The following FLRT2 variants were observed in gnomAD, a reference collection of about 807,000 sequenced individuals.
The protein encoded by FLRT2 is fibronectin leucine rich transmembrane protein 2, also known as leucine-rich repeat transmembrane protein FLRT2.
A neutral mutation model predicts 40.0 loss-of-function variants in FLRT2; 15 were observed. The ratio of observed to expected loss-of-function variants is 0.38; its 90% confidence interval spans 0.25 to 0.58. The LOEUF is 0.58. Ranked by LOEUF, FLRT2 falls within the 20% of genes least tolerant of loss-of-function variation. FLRT2 has a pLI of 0.71. For synonymous variants in FLRT2, 380 were observed against 336.8 expected, an observed-to-expected ratio of 1.13 and a Z score of -1.41; for missense variants, 726 against 840.0, an observed-to-expected ratio of 0.86 and a Z score of 1.68.
intron 1 of FLRT2, among the ~76,000 whole-genome samples, chr14:85,555,558 T>G (rs148019951): frequency 0.011 from 1,686 of 149,256 alleles, 22 homozygotes; most frequent in Non-Finnish European, 0.012. Context: ...CACCCCATGA[T>G]TCAATTATCT....
In FLRT2 at chr14:85,643,290, TTTTTCTTTCTTTCTTTCTTTC is replaced by T. The variant is rs1566774363; in HGVS notation, c.*19797_*19817del. On this transcript the variant is annotated 3_prime_UTR_variant, in exon 2 of 2. Coordinates refer to ENST00000330753, the MANE Select transcript of FLRT2 (RefSeq NM_013231.6). ...GAGAGAGTTCAGAGGGTATTTCTTT[TTTTTCTTTCTTTCTTTCTTTC>T]TTTCTTTCTTTCTTTCTTTCTTTCT... The T allele has an allele frequency of 2.2e-5, 3 of 136,100 alleles. No individual in the cohort carries two copies. The highest frequency in any genetic ancestry group is 7.2e-5 in the Admixed American group (1 of 13,958). The allele number at this position is 136,100 out of a possible 1,614,324, so 8.4% of individuals were successfully genotyped here. A position where few individuals can be genotyped will look rare whatever the true frequency, so the allele number is the denominator to read the frequency against.
At chr14:85,533,438 C>A (rs989741870) in intron 1 of FLRT2, among the ~76,000 whole-genome samples, 15 of 151,986 alleles carry the variant, frequency 9.9e-5, no homozygotes, top group Non-Finnish European at 1.6e-4. Flanking sequence ...CAGCGCCGCA[C>A]GCCCGGCTCC....
intron 1 of FLRT2, among the ~76,000 whole-genome samples, chr14:85,572,067 A>G (rs1890915799): frequency 6.6e-6 from 1 of 152,190 alleles, no homozygotes. Flanking sequence ...CTATGGCCTC[A>G]CTGTTGTGTC....
chr14:85,632,438 C>G lies in FLRT2; in HGVS notation c.*8941C>G, dbSNP rs924658005. The G allele has an allele frequency of 1.4e-5, 2 of 145,016 alleles. No individual in the cohort carries two copies. Among genetic ancestry groups the G allele is most frequent in the African/African-American group, 2.6e-5 (1 of 38,514 alleles). 9.0% of individuals were successfully genotyped at this position (145,016 alleles called of 1,614,324 possible). A position where few individuals can be genotyped will look rare whatever the true frequency, so the allele number is the denominator to read the frequency against. ...AGTGAGCCAAGATCATGCCATTGCA[C>G]TCCAGCCTGGTGACAGAGTGAGACT... On this transcript the variant is annotated 3_prime_UTR_variant, in exon 2 of 2. Coordinates refer to ENST00000330753, the MANE Select transcript of FLRT2 (RefSeq NM_013231.6).
intron 1 of FLRT2, among the ~76,000 whole-genome samples, chr14:85,556,983 C>T (rs866113586): frequency 6.6e-5 from 10 of 152,022 alleles, no homozygotes; most frequent in South Asian, 4.2e-4. Context: ...ATGAGGAAGA[C>T]CCAGAAGCAG....
rs1029712590 is a variant in FLRT2, at chr14:85,635,922, T to C, written c.*12425T>C. 1.3e-5 allele frequency: 2 copies of C among 152,138 alleles called. No individual in the cohort carries two copies. The highest frequency in any genetic ancestry group is 2.4e-5 in the African/African-American group (1 of 41,448). The allele number at this position is 152,138 out of a possible 1,614,324, so 9.4% of individuals were successfully genotyped here. A position where few individuals can be genotyped will look rare whatever the true frequency, so the allele number is the denominator to read the frequency against. ...ATCATACACCTGAATGTAATCAACA[T>C]TGCTTTATTAAAGATGTTTATATAA... On this transcript the variant is annotated 3_prime_UTR_variant, in exon 2 of 2. Coordinates refer to ENST00000330753, the MANE Select transcript of FLRT2 (RefSeq NM_013231.6).
Position 85,587,341 on chromosome 14 carries a change from G to T in FLRT2, c.-376-33798G>T, listed in dbSNP as rs117483892. On this transcript the variant is annotated intron_variant, in intron 1 of 1. Transcript: ENST00000330753. Reference sequence around the variant, plus strand: ...GAGCTCATCTTGATCATTGTAATTGGCACTGACAGCAAACACCAGTGTGCC... The same window carrying T: ...GAGCTCATCTTGATCATTGTAATTGTCACTGACAGCAAACACCAGTGTGCC... 1.6e-3 allele frequency among the ~76,000 whole-genome samples: 244 copies of T among 151,152 alleles called. 2 individuals carry two copies. The highest frequency in any genetic ancestry group is 0.016 in the East Asian group (81 of 5,110).
intron 1 of FLRT2, among the ~76,000 whole-genome samples, chr14:85,603,185 G>A (rs968555934): frequency 6.6e-6 from 1 of 152,064 alleles, no homozygotes; most frequent in Non-Finnish European, 1.5e-5. Context: ...TGCAAGCAAG[G>A]ACTTTAACTG....
rs1449594460 is a variant in FLRT2, at chr14:85,651,909, A to G, written c.*28412A>G. 6.6e-6 allele frequency: 1 copy of G among 152,104 alleles called. No individual in the cohort carries two copies. 9.4% of individuals were successfully genotyped at this position (152,104 alleles called of 1,614,324 possible). On this transcript the variant is annotated 3_prime_UTR_variant, in exon 2 of 2. Coordinates refer to ENST00000330753, the MANE Select transcript of FLRT2 (RefSeq NM_013231.6). ...CTGAACAATAAAAGGAATTTCAAAC[A>G]TATTATTGGTCATCATCACCTGCCT...
At chr14:85,536,777 A>G (rs955909081) in intron 1 of FLRT2, among the ~76,000 whole-genome samples, 10 of 151,900 alleles carry the variant, frequency 6.6e-5, no homozygotes, top group African/African-American at 2.4e-4. Context: ...AATATGGATA[A>G]TGACATTTAA....
In FLRT2 at chr14:85,632,084, C is replaced by T. The variant is rs1893890292; in HGVS notation, c.*8587C>T. Reference sequence around the variant, plus strand: ...CAGGTGATCCCCCCACCTAGGCCTCCCAAAGTGCTGGGATTACAGGTGTGA... The same window carrying T: ...CAGGTGATCCCCCCACCTAGGCCTCTCAAAGTGCTGGGATTACAGGTGTGA... On this transcript the variant is annotated 3_prime_UTR_variant, in exon 2 of 2. Coordinates refer to ENST00000330753, the MANE Select transcript of FLRT2 (RefSeq NM_013231.6). 6.6e-6 allele frequency: 1 copy of T among 152,124 alleles called. No homozygotes were observed. The highest frequency in any genetic ancestry group is 1.5e-5 in the Non-Finnish European group (1 of 68,116). The allele number at this position is 152,124 out of a possible 1,614,324, so 9.4% of individuals were successfully genotyped here.
rs565852141 is a variant in FLRT2 at position 85,651,751 on chromosome 14, G to A, written c.*28254G>A. Reference sequence around the variant, plus strand: ...TATGATTAAATTGTGTGCCTTACAAGGAGGTTTTACTTTTTCCCTCAATGG... The same window carrying A: ...TATGATTAAATTGTGTGCCTTACAAAGAGGTTTTACTTTTTCCCTCAATGG... On this transcript the variant is annotated 3_prime_UTR_variant, in exon 2 of 2. Transcript: ENST00000330753. The A allele has an allele frequency of 1.1e-4, 17 of 151,884 alleles. No individual in the cohort carries two copies. Among genetic ancestry groups the A allele is most frequent in the Non-Finnish European group, 2.4e-4 (16 of 67,932 alleles). The allele number at this position is 151,884 out of a possible 1,614,324, so 9.4% of individuals were successfully genotyped here.
At chr14:85,562,047 T>G (rs1890362240) in intron 1 of FLRT2, among the ~76,000 whole-genome samples, 2 of 152,310 alleles carry the variant, frequency 1.3e-5, no homozygotes, top group South Asian at 4.1e-4. Flanking sequence ...TCAAGATAAG[T>G]TGAAGACTCT....
chr14:85,610,522 A>G (rs983122762), intron 1 of FLRT2, among the ~76,000 whole-genome samples: 1 of 152,196 alleles, frequency 6.6e-6, no homozygotes, highest in African/African-American at 2.4e-5. Context: ...TGCCTGTTTA[A>G]GTCCATTAAA....
At chr14:85,597,459 A>G (rs1256920136) in intron 1 of FLRT2, among the ~76,000 whole-genome samples, 1 of 152,188 alleles carries the variant, frequency 6.6e-6, no homozygotes, top group Non-Finnish European at 1.5e-5. Flanking sequence ...TGCCATTACC[A>G]GCTAAATGGC....
At chr14:85,612,851 C>T (rs1346347511) in intron 1 of FLRT2, among the ~76,000 whole-genome samples, 1 of 152,176 alleles carries the variant, frequency 6.6e-6, no homozygotes, top group Non-Finnish European at 1.5e-5. Flanking sequence ...CCTGGAAATA[C>T]ACACTATGTA....
chr14:85,621,714 T>C lies in FLRT2; in HGVS notation c.200T>C (p.Val67Ala), dbSNP rs1893392964. The change falls in exon 2 of 2, where the codon GTA becomes GCA. Residue 67 changes from valine to alanine, a missense_variant. Coordinates refer to ENST00000330753, the MANE Select transcript of FLRT2 (RefSeq NM_013231.6). ...VPLGIPEGVT[V>A]LYLHNNQINN... ...CTTGGGATCCCGGAGGGCGTAACTG[T>C]ACTCTACCTCCACAACAACCAAATT... 6.2e-7 allele frequency: 1 copy of C among 1,614,012 alleles called. No homozygotes were observed. The highest frequency in any genetic ancestry group is 8.5e-7 in the Non-Finnish European group (1 of 1,180,024).
chr14:85,621,624 C>T lies in FLRT2; in HGVS notation c.110C>T (p.Pro37Leu), dbSNP rs374855465. 2 of 1,614,142 alleles carry T rather than the reference C, an allele frequency of 1.2e-6. No homozygotes were observed. The highest frequency in any genetic ancestry group is 1.3e-5 in the African/African-American group (1 of 75,038). Residue 37 changes from proline (P) to leucine (L), a missense_variant, in exon 2 of 2, where the codon CCT becomes CTT. Physicochemically the swap from Pro to Leu is moderately conservative, Grantham distance 98. This residue lies in a region of FLRT2 where 106 missense variants were observed against 121.2 expected (regional missense o/e 0.87). Transcript: ENST00000330753. ...CAGGTGTCCAAACTCCTGGCCTGCC[C>T]TAGTGTGTGCCGCTGCGACAGGAAC... ...YSQVSKLLAC[P>L]SVCRCDRNFV...
At chr14:85,573,875 G>C (rs1330977169) in intron 1 of FLRT2, among the ~76,000 whole-genome samples, 4 of 152,198 alleles carry the variant, frequency 2.6e-5, no homozygotes, top group Non-Finnish European at 5.9e-5. Context: ...ACATCTAAAG[G>C]CTCAGTGGAG....
Sources: gnomAD v4.1 joint callset for allele counts (sites outside exome capture counted in the v4.1 genomes callset) on GRCh38, gnomAD v4.1.1 for gene constraint, gnomAD v4.1.1 regional missense constraint, MANE v1.5 for transcripts, NCBI Gene and HGNC (gene_info 2026-07-23, HGNC 2026-07-21) for gene names.